The following YKT6 variants were observed in gnomAD, a reference collection of about 807,000 sequenced individuals.
YKT6 encodes the protein synaptobrevin homolog YKT6.
In YKT6, 12 loss-of-function variants were observed where a neutral mutation model predicts 29.3. That is an observed-to-expected ratio of 0.41 (90% CI 0.26 to 0.66). The LOEUF is 0.66. Among genes scored for constraint, YKT6 ranks in the 30% least tolerant of loss-of-function variants. The probability of loss-of-function intolerance (pLI) is 0.32; values close to 1 mark genes in which losing one functional copy is unlikely to be tolerated. For synonymous variants in YKT6, 86 were observed against 94.3 expected, an observed-to-expected ratio of 0.91 and a Z score of 0.51; for missense variants, 188 against 243.8, an observed-to-expected ratio of 0.77 and a Z score of 1.52.
At position 44,208,207 on chromosome 7, in the gene YKT6, G is replaced by A; in HGVS notation, c.459+9G>A. The A allele has an allele frequency of 6.2e-7, 1 of 1,613,900 alleles. No homozygotes were observed. The highest frequency in any genetic ancestry group is 8.5e-7 in the Non-Finnish European group (1 of 1,179,902). ...AGACCAAAATCATTCTGGTAAGCAGGAAGATGGAGAGCAAGCCCAAGAACT... is the reference window on the plus strand; with the variant it reads ...AGACCAAAATCATTCTGGTAAGCAGAAAGATGGAGAGCAAGCCCAAGAACT... On this transcript the variant is annotated intron_variant, in intron 5 of 6. Transcript: ENST00000223369.
chr7:44,201,189 G>A lies in YKT6; in HGVS notation c.54G>A (p.Leu18=). 3.1e-6 allele frequency: 5 copies of A among 1,612,998 alleles called. No individual in the cohort carries two copies. The highest frequency in any genetic ancestry group is 4.2e-6 in the Non-Finnish European group (5 of 1,179,442). ...VLYKGEAKVV[L]LKAAYDVSSF... Reference sequence around the variant, plus strand: ...ACAAAGGCGAGGCCAAGGTGGTGCTGCTCAAAGCCGCATACGATGTGTCTT... The same window carrying A: ...ACAAAGGCGAGGCCAAGGTGGTGCTACTCAAAGCCGCATACGATGTGTCTT... The change falls in exon 1 of 7, where the codon CTG becomes CTA. Residue 18 remains leucine (L), a synonymous_variant. Transcript: ENST00000223369.
Position 44,201,098 on chromosome 7 carries a change from C to T in YKT6, c.-38C>T, listed in dbSNP as rs772400943. On this transcript the variant is annotated 5_prime_UTR_variant, in exon 1 of 7. Coordinates refer to ENST00000223369, the MANE Select transcript of YKT6 (RefSeq NM_006555.4). ...CGCGCTGCTCCCTGAGAACGGGTCC[C>T]GCAGCTGGGCAGGCGGGCGGCCTGA... is the stretch of plus-strand genomic sequence containing the variant. 6 of 1,532,982 alleles carry T rather than the reference C, an allele frequency of 3.9e-6. No individual in the cohort carries two copies. Among genetic ancestry groups the T allele is most frequent in the Non-Finnish European group, 5.3e-6 (6 of 1,140,092 alleles). The allele number at this position is 1,532,982 out of a possible 1,614,324, so 95.0% of individuals were successfully genotyped here. A position where few individuals can be genotyped will look rare whatever the true frequency, so the allele number is the denominator to read the frequency against.
chr7:44,211,094 G>A lies in YKT6; in HGVS notation c.531G>A (p.Leu177=). 1.2e-6 allele frequency: 2 copies of A among 1,613,962 alleles called. No individual in the cohort carries two copies. Among genetic ancestry groups the A allele is most frequent in the Non-Finnish European group, 1.7e-6 (2 of 1,180,002 alleles). The part of the protein sequence containing the change: ...LDDLVSKSEV[L]GTQSKAFYKT... ...ACTTGGTGTCCAAATCCGAGGTGCT[G>A]GGAACACAGTCTAAAGCCTTCTATA... is the stretch of plus-strand genomic sequence containing the variant. The change falls in exon 6 of 7, where the codon CTG becomes CTA. Residue 177 remains leucine (L), a synonymous_variant. Transcript: ENST00000223369.
At chr7:44,210,340 G>C (rs2096345336) in intron 5 of YKT6, among the ~76,000 whole-genome samples, 1 of 152,210 alleles carries the variant, frequency 6.6e-6, no homozygotes, top group Admixed American at 6.5e-5. Flanking sequence ...AGCCTCTGGT[G>C]GCTGCTGGCC....
intron 1 of YKT6, among the ~76,000 whole-genome samples, 164 bp from the exon 2 acceptor site, chr7:44,204,404 A>T (rs1262720406): frequency 6.6e-6 from 1 of 152,218 alleles, no homozygotes; most frequent in Non-Finnish European, 1.5e-5. Context: ...CATAATTATC[A>T]GTATTTGTGC....
chr7:44,202,866 C>G (rs75288615), intron 1 of YKT6, among the ~76,000 whole-genome samples: 7,472 of 152,296 alleles, frequency 0.049, 220 homozygotes, highest in Non-Finnish European at 0.064. Context: ...ATTCACTGCT[C>G]TGTGTTGTTG....
At chr7:44,209,773 C>G (rs1028679075) in intron 5 of YKT6, among the ~76,000 whole-genome samples, 1 of 152,308 alleles carries the variant, frequency 6.6e-6, no homozygotes, top group African/African-American at 2.4e-5. Context: ...GCCCTGGCAG[C>G]AGAGCTGCTG....
Position 44,203,873 on chromosome 7 carries a change from C to T in YKT6, c.105-695C>T, listed in dbSNP as rs531507370. Reference sequence around the variant, plus strand: ...TATATCACATCCTCAGTTGGAGGCTCCTTGTCAGCACCTCTTCCTCTGGCT... The same window carrying T: ...TATATCACATCCTCAGTTGGAGGCTTCTTGTCAGCACCTCTTCCTCTGGCT... On this transcript the variant is annotated intron_variant, in intron 1 of 6. Transcript: ENST00000223369. 1.2e-4 allele frequency among the ~76,000 whole-genome samples: 19 copies of T among 152,336 alleles called. No individual in the cohort carries two copies. In the South Asian group the frequency reaches 3.7e-3, roughly 30 times the overall value.
chr7:44,206,308 G>A, intron 2 of YKT6, 77 bp from the exon 3 acceptor site: 1 of 1,456,282 alleles, frequency 6.9e-7, no homozygotes, highest in Non-Finnish European at 9.6e-7. Flanking sequence ...AACATTGGAT[G>A]CTTTGATTTG....
chr7:44,201,287 G>A (rs1308337472), intron 1 of YKT6, 48 bp downstream of exon 1: 2 of 1,564,372 alleles, frequency 1.3e-6, no homozygotes, highest in Non-Finnish European at 1.7e-6. Context: ...GGAGAGGACT[G>A]GGGTGGGGGT....
At chr7:44,210,402 C>T (rs1282001972) in intron 5 of YKT6, among the ~76,000 whole-genome samples, 1 of 152,238 alleles carries the variant, frequency 6.6e-6, no homozygotes, top group Non-Finnish European at 1.5e-5. Flanking sequence ...TCTGCCTCTG[C>T]CGTCACGTGA....
intron 1 of YKT6, among the ~76,000 whole-genome samples, chr7:44,203,452 G>A (rs1001549769): frequency 6.6e-6 from 1 of 152,238 alleles, no homozygotes; most frequent in East Asian, 1.9e-4. Context: ...ATAATTACCC[G>A]ATTCCAAAGT....
At chr7:44,211,246 T>G in intron 6 of YKT6, 122 bp downstream of exon 6, 1 of 933,720 alleles carries the variant, frequency 1.1e-6, no homozygotes, top group Non-Finnish European at 1.6e-6. Flanking sequence ...TGGTGGATGA[T>G]TCCTTGTGCG....
chr7:44,210,539 AT>A (rs1478239400), intron 5 of YKT6, among the ~76,000 whole-genome samples: 3 of 152,232 alleles, frequency 2.0e-5, no homozygotes, highest in Non-Finnish European at 4.4e-5. Context: ...ATATGGTCAC[AT>A]TCAGAGATTC....
intron 5 of YKT6, 148 bp downstream of exon 5, chr7:44,208,346 C>T (rs2096343138): frequency 1.3e-6 from 1 of 793,776 alleles, no homozygotes; most frequent in Admixed American, 2.2e-5. Context: ...TTCCCCCACC[C>T]CGGGCATCAG....
At chr7:44,211,644 G>A (rs776548545) in intron 6 of YKT6, 1 of 998,234 alleles carries the variant, frequency 1.0e-6, no homozygotes, top group Non-Finnish European at 1.2e-6. Flanking sequence ...TGGCACTGTT[G>A]GCCCATGGTT....
chr7:44,201,289 G>T (rs1402666740), intron 1 of YKT6, 50 bp downstream of exon 1: 1 of 1,564,444 alleles, frequency 6.4e-7, no homozygotes, highest in Non-Finnish European at 8.7e-7. Context: ...AGAGGACTGG[G>T]GTGGGGGTCC....
At chr7:44,201,686 A>G (rs2096335899) in intron 1 of YKT6, among the ~76,000 whole-genome samples, 1 of 152,182 alleles carries the variant, frequency 6.6e-6, no homozygotes, top group African/African-American at 2.4e-5. Flanking sequence ...ATTTTAGACC[A>G]ACACTTCCCA....
Position 44,208,308 on chromosome 7 carries a change from C to T in YKT6, c.459+110C>T. 3 of 1,227,542 alleles carry T rather than the reference C, an allele frequency of 2.4e-6. No individual in the cohort carries two copies. In the East Asian group the frequency reaches 7.7e-5, roughly 32 times the overall value. The allele number at this position is 1,227,542 out of a possible 1,614,324, so 76.0% of individuals were successfully genotyped here. On this transcript the variant is annotated intron_variant, in intron 5 of 6. Transcript: ENST00000223369. ...TTTTAATATAATAGTAACCACGGCA[C>T]TCTCCAGCAAGTGGGATTGCCCACC...
Sources: gnomAD v4.1 joint callset for allele counts (sites outside exome capture counted in the v4.1 genomes callset) on GRCh38, gnomAD v4.1.1 for gene constraint, MANE v1.5 for transcripts, NCBI Gene and HGNC (gene_info 2026-07-23, HGNC 2026-07-21) for gene names.